SH3RF1: variants seen among roughly 807,000 people sequenced by gnomAD.
The protein encoded by SH3RF1 is E3 ubiquitin-protein ligase SH3RF1.
In SH3RF1, 32 loss-of-function variants were observed where a neutral mutation model predicts 74.0. That is an observed-to-expected ratio of 0.43 (90% CI 0.33 to 0.58). SH3RF1 has a LOEUF of 0.58. Among genes scored for constraint, SH3RF1 ranks in the 20% least tolerant of loss-of-function variants. SH3RF1 has a pLI of 0.05. For missense variants in SH3RF1, 954 were observed against 1,130.9 expected, an observed-to-expected ratio of 0.84 and a Z score of 2.24; for synonymous variants, 396 against 439.6, an observed-to-expected ratio of 0.90 and a Z score of 1.24.
chr4:169,095,113 A>G lies in SH3RF1; in HGVS notation c.*1406T>C, dbSNP rs1732892956. 1 of 152,576 alleles carries G rather than the reference A, an allele frequency of 6.6e-6. No homozygotes were observed. The highest frequency in any genetic ancestry group is 6.6e-5 in the Admixed American group (1 of 15,266). The allele number at this position is 152,576 out of a possible 1,614,324, so 9.5% of individuals were successfully genotyped here. On this transcript the variant is annotated 3_prime_UTR_variant, in exon 12 of 12. Transcript: ENST00000284637. ...GATATAAAAAGACAGGCTCTTCTGG[A>G]TCCTGCCACAATTGTAAGGTGTGGG...
chr4:169,190,392 T>C (rs1734681019), intron 2 of SH3RF1, among the ~76,000 whole-genome samples: 1 of 151,900 alleles, frequency 6.6e-6, no homozygotes, highest in Non-Finnish European at 1.5e-5. Context: ...CGAGAGACAT[T>C]ACAACTGACA....
rs754547078 is a variant in SH3RF1, at chr4:169,136,361, C to T, written c.1025G>A (p.Arg342Gln). The T allele has an allele frequency of 7.2e-6, 11 of 1,529,588 alleles. No individual in the cohort carries two copies. The highest frequency in any genetic ancestry group is 7.0e-5 in the East Asian group (3 of 42,918). The allele number at this position is 1,529,588 out of a possible 1,614,324, so 94.8% of individuals were successfully genotyped here. A position where few individuals can be genotyped will look rare whatever the true frequency, so the allele number is the denominator to read the frequency against. Residue 342 changes from arginine to glutamine, a missense_variant, in exon 5 of 12, where the codon CGG becomes CAG. Transcript: ENST00000284637. ...ISSSNPTAAA[R>Q]ISELSGLSCS... ...GGAGAGCCCAGACAGCTCGCTGATC[C>T]GTGCAGCAGCAGTGGGGTTGCTGGA... is the stretch of plus-strand genomic sequence containing the variant.
chr4:169,116,597 G>A lies in SH3RF1; in HGVS notation c.1811C>T (p.Ala604Val). Residue 604 changes from alanine (A) to valine (V), a missense_variant, in exon 10 of 12, where the codon GCA (alanine) becomes GTA (valine). Transcript: ENST00000284637. ...ATTCTGTACCTGGATGGGTGTCACT[G>A]CTGCCGTGGGGCGTTCCTGGTTGTG... is the stretch of plus-strand genomic sequence containing the variant. ...AAHNQERPTA[A>V]VTPIQVQNAA... 1 of 1,569,118 alleles carries A rather than the reference G, an allele frequency of 6.4e-7. No individual in the cohort carries two copies. Among genetic ancestry groups the A allele is most frequent in the South Asian group, 1.2e-5 (1 of 83,194 alleles).
At position 169,096,499 on chromosome 4, in the gene SH3RF1, C is replaced by T. The variant is rs1166696780; in HGVS notation, c.*20G>A. 6.2e-7 allele frequency: 1 copy of T among 1,608,208 alleles called. No homozygotes were observed. The highest frequency in any genetic ancestry group is 8.5e-7 in the Non-Finnish European group (1 of 1,177,562). Reference sequence around the variant, plus strand: ...CTTTGTTGTGTGAAGTGATTTTAAGCTTCTTCAGTGTCAGTCTCCTCATAT... The same window carrying T: ...CTTTGTTGTGTGAAGTGATTTTAAGTTTCTTCAGTGTCAGTCTCCTCATAT... On this transcript the variant is annotated 3_prime_UTR_variant, in exon 12 of 12. Coordinates refer to ENST00000284637, the MANE Select transcript of SH3RF1 (RefSeq NM_020870.4).
At chr4:169,157,747 C>CTT (rs34413899) in intron 2 of SH3RF1, among the ~76,000 whole-genome samples, 1 of 144,986 alleles carries the variant, frequency 6.9e-6, no homozygotes, top group South Asian at 2.2e-4. Context: ...CTTTTTTTTT[C>CTT]TTTTTTTTTT....
chr4:169,128,246 C>G (rs1312531903), intron 6 of SH3RF1, among the ~76,000 whole-genome samples: 1 of 152,146 alleles, frequency 6.6e-6, no homozygotes, highest in Non-Finnish European at 1.5e-5. Context: ...GATGAGAGGT[C>G]ATGATGGTTA....
chr4:169,201,772 T>C (rs926111545), intron 2 of SH3RF1: 6 of 152,218 alleles, frequency 3.9e-5, no homozygotes, highest in Admixed American at 2.0e-4. Context: ...CATATGTTGA[T>C]TTTATTTTTT....
intron 2 of SH3RF1, among the ~76,000 whole-genome samples, chr4:169,246,396 T>A (rs1478894315): frequency 1.3e-5 from 2 of 152,222 alleles, no homozygotes; most frequent in Admixed American, 6.5e-5. Flanking sequence ...CACTGAAGTA[T>A]CAAACTGAGC....
chr4:169,109,313 T>C (rs1733201804), intron 10 of SH3RF1, among the ~76,000 whole-genome samples: 1 of 152,234 alleles, frequency 6.6e-6, no homozygotes. Flanking sequence ...AAATATCAGA[T>C]AACTCAACGG....
intron 4 of SH3RF1, among the ~76,000 whole-genome samples, chr4:169,144,578 C>T (rs1733840880): frequency 6.6e-6 from 1 of 152,058 alleles, no homozygotes; most frequent in Admixed American, 6.6e-5. Flanking sequence ...TAAGAAACAG[C>T]ATGATGGATT....
At chr4:169,205,638 T>G (rs1252886434) in intron 2 of SH3RF1, among the ~76,000 whole-genome samples, 2 of 152,176 alleles carry the variant, frequency 1.3e-5, no homozygotes, top group African/African-American at 4.8e-5. Flanking sequence ...CAGAAAATCT[T>G]CAGCATATTT....
intron 6 of SH3RF1, 87 bp from the exon 7 acceptor site, chr4:169,122,353 G>T (rs1439431306): frequency 2.1e-6 from 3 of 1,409,006 alleles, no homozygotes; most frequent in African/African-American, 2.9e-5. Flanking sequence ...GAGAGAAAAA[G>T]AATTATAAAT....
At chr4:169,215,776 GT>G (rs984702988) in intron 2 of SH3RF1, among the ~76,000 whole-genome samples, 22 of 145,352 alleles carry the variant, frequency 1.5e-4, no homozygotes, top group East Asian at 4.0e-4. Flanking sequence ...TGTATTTTTT[GT>G]TTTTTTTTTC....
chr4:169,259,260 G>A (rs1437511911), intron 2 of SH3RF1, among the ~76,000 whole-genome samples: 3 of 152,020 alleles, frequency 2.0e-5, no homozygotes, highest in Non-Finnish European at 2.9e-5. Flanking sequence ...GACAGCCCTT[G>A]CCTTTCTGCA....
In SH3RF1 at chr4:169,214,885, C is replaced by T. The variant is rs561026940; in HGVS notation, c.393+53935G>A. ...GTTGTCAATTCTTTTGGATTTTCTA[C>T]GTATATTATCATGTCCTCTGTAAAC... is the stretch of plus-strand genomic sequence containing the variant. On this transcript the variant is annotated intron_variant, in intron 2 of 11. Transcript: ENST00000284637. Among the ~76,000 whole-genome samples, 75 of 152,152 alleles carry T rather than the reference C, an allele frequency of 4.9e-4. No homozygotes were observed. In the South Asian group the frequency reaches 0.012, roughly 25 times the overall value.
chr4:169,133,118 G>T (rs1214217614), intron 5 of SH3RF1, among the ~76,000 whole-genome samples: 2 of 152,144 alleles, frequency 1.3e-5, no homozygotes, highest in Non-Finnish European at 2.9e-5. Context: ...AGGGCATAAG[G>T]ACCCACTTAT....
intron 2 of SH3RF1, among the ~76,000 whole-genome samples, chr4:169,240,593 CAAAT>C (rs1353263895): frequency 1.3e-5 from 2 of 152,134 alleles, no homozygotes; most frequent in Non-Finnish European, 2.9e-5. Flanking sequence ...TCTTCTTTAA[CAAAT>C]AAATAAATTG....
chr4:169,193,904 T>C (rs950545462), intron 2 of SH3RF1, among the ~76,000 whole-genome samples: 3 of 152,226 alleles, frequency 2.0e-5, no homozygotes, highest in African/African-American at 4.8e-5. Flanking sequence ...GTTACTGGTA[T>C]TCTTTTCCTG....
chr4:169,235,801 C>G (rs1288489047), intron 2 of SH3RF1, among the ~76,000 whole-genome samples: 1 of 152,070 alleles, frequency 6.6e-6, no homozygotes, highest in Non-Finnish European at 1.5e-5. Context: ...AAGCCTCAGC[C>G]TCCTGAGTAG....
Sources: allele counts gnomAD v4.1 joint callset (sites outside exome capture counted in the v4.1 genomes callset), GRCh38; gene constraint gnomAD v4.1.1; transcripts MANE v1.5; gene names NCBI Gene and HGNC (gene_info 2026-07-23, HGNC 2026-07-21).